Variants in LARGE1 observed in about 807,000 individuals in gnomAD.
The protein encoded by LARGE1 is LARGE xylosyl- and glucuronyltransferase 1.
Under a neutral mutation model 87.6 loss-of-function variants are expected in LARGE1, and 43 were observed. The observed-to-expected ratio is 0.49, with a 90% CI of 0.38 to 0.63. The LOEUF is 0.63. Among genes scored for constraint, LARGE1 ranks in the 30% least tolerant of loss-of-function variants. The pLI is 0.00. For synonymous variants in LARGE1, 434 were observed against 394.6 expected, an observed-to-expected ratio of 1.10 and a Z score of -1.18; for missense variants, 802 against 1,000.2, an observed-to-expected ratio of 0.80 and a Z score of 2.67.
chr22:33,257,350 TG>T (rs767458358), intron 11 of LARGE1, among the ~76,000 whole-genome samples: 40 of 151,958 alleles, frequency 2.6e-4, no homozygotes, highest in Admixed American at 7.2e-4. Flanking sequence ...CTAGGCAACA[TG>T]GTGAAATCCC....
chr22:33,329,263 G>A (rs1010049414), intron 10 of LARGE1, among the ~76,000 whole-genome samples: 6 of 152,152 alleles, frequency 3.9e-5, no homozygotes, highest in Non-Finnish European at 7.4e-5. Context: ...GGAGACACTG[G>A]CTGTTGACTT....
intron 7 of LARGE1, among the ~76,000 whole-genome samples, chr22:33,387,533 G>T (rs567759664): frequency 1.1e-4 from 16 of 148,200 alleles, no homozygotes; most frequent in African/African-American, 4.0e-4. Context: ...AATGGGGGGG[G>T]GGATGGTGGG....
chr22:33,385,214 T>C (rs2065281250), intron 7 of LARGE1, among the ~76,000 whole-genome samples: 1 of 148,594 alleles, frequency 6.7e-6, no homozygotes. Flanking sequence ...AAACTCCCCT[T>C]GTCTATATCC....
chr22:33,355,816 T>G (rs1199529427), intron 9 of LARGE1, among the ~76,000 whole-genome samples: 1 of 152,230 alleles, frequency 6.6e-6, no homozygotes, highest in East Asian at 1.9e-4. Flanking sequence ...AAAATTGTGT[T>G]CTTCTTAATA....
intron 2 of LARGE1, among the ~76,000 whole-genome samples, chr22:33,740,596 T>G (rs1456543444): frequency 6.6e-6 from 1 of 152,196 alleles, no homozygotes; most frequent in Admixed American, 6.5e-5. Flanking sequence ...ACTTGGTACT[T>G]AATAAATATG....
chr22:33,441,280 GC>G (rs2067466868), intron 6 of LARGE1, among the ~76,000 whole-genome samples: 1 of 151,780 alleles, frequency 6.6e-6, no homozygotes, highest in South Asian at 2.1e-4. Flanking sequence ...CATCATGTTG[GC>G]CAGGCTAGTC....
intron 6 of LARGE1, among the ~76,000 whole-genome samples, chr22:33,519,344 AT>A (rs2071462609): frequency 6.6e-6 from 1 of 151,958 alleles, no homozygotes; most frequent in African/African-American, 2.4e-5. Context: ...CCAAGGCATA[AT>A]TTCTGCCCCA....
intron 11 of LARGE1, among the ~76,000 whole-genome samples, chr22:33,200,508 GA>G (rs528275044): frequency 8.5e-4 from 129 of 152,188 alleles, no homozygotes; most frequent in African/African-American, 3.0e-3. Context: ...CCAAAAGATC[GA>G]AAACGTATGT....
At chr22:33,383,233 G>A (rs1286909360) in intron 8 of LARGE1, among the ~76,000 whole-genome samples, 1 of 152,132 alleles carries the variant, frequency 6.6e-6, no homozygotes, top group Non-Finnish European at 1.5e-5. Context: ...GCCTTTCCTA[G>A]GACGTCAAAA....
chr22:33,340,999 T>C (rs61531606), intron 9 of LARGE1, among the ~76,000 whole-genome samples: 14,301 of 149,534 alleles, frequency 0.096, 1,755 homozygotes, highest in African/African-American at 0.27. Context: ...CCCTACTACC[T>C]TTACTCTCTC....
rs187537598 is a variant in LARGE1, at chr22:33,373,746, A to G, written c.1131+8173T>C. The stretch of plus-strand genomic sequence containing the variant: ...TCCCAACACTTTGGGAGGCTGAGGC[A>G]GGCAGATCATGAAGTCAGGAGATCG... On this transcript the variant is annotated intron_variant, in intron 9 of 14. Transcript: ENST00000397394. Among the ~76,000 whole-genome samples the G allele has an allele frequency of 4.0e-3, 604 of 152,112 alleles. 3 individuals carry two copies. The highest frequency in any genetic ancestry group is 0.014 in the African/African-American group (569 of 41,508).
At chr22:33,551,921 G>A (rs1168745838) in intron 6 of LARGE1, among the ~76,000 whole-genome samples, 1 of 150,192 alleles carries the variant, frequency 6.7e-6, no homozygotes, top group Non-Finnish European at 1.5e-5. Context: ...GTGAACCCGG[G>A]AGGCGGAGCA....
chr22:33,876,650 T>C (rs1037493417), intron 1 of LARGE1, among the ~76,000 whole-genome samples: 10 of 129,294 alleles, frequency 7.7e-5, no homozygotes, highest in Non-Finnish European at 1.3e-4. Flanking sequence ...CCTGTCGGGG[T>C]GCGGGGGTGC....
chr22:33,256,742 G>T (rs2145732983), intron 11 of LARGE1, among the ~76,000 whole-genome samples: 1 of 152,308 alleles, frequency 6.6e-6, no homozygotes, highest in African/African-American at 2.4e-5. Flanking sequence ...GCCTCATGCG[G>T]TCTGTATCAA....
chr22:33,669,167 T>C (rs570131387), intron 2 of LARGE1, among the ~76,000 whole-genome samples: 26 of 152,264 alleles, frequency 1.7e-4, no homozygotes, highest in Non-Finnish European at 3.2e-4. Context: ...GAAGTAATTT[T>C]ATATCCCTCA....
Position 33,355,526 on chromosome 22 carries a change from C to T in LARGE1, c.1132-17725G>A, listed in dbSNP as rs999712421. Among the ~76,000 whole-genome samples, 3 of 152,300 alleles carry T rather than the reference C, an allele frequency of 2.0e-5. No individual in the cohort carries two copies. The East Asian group carries it at 5.8e-4, about 29-fold the overall frequency. ...TACCTGCCTGTCCCCTTCGTGATAACTGGAAAATTAAACCTTTGTCTCTTG... is the reference window on the plus strand; with the variant it reads ...TACCTGCCTGTCCCCTTCGTGATAATTGGAAAATTAAACCTTTGTCTCTTG... On this transcript the variant is annotated intron_variant, in intron 9 of 14. Transcript: ENST00000397394.
At chr22:33,126,965 T>C in the LARGE1 span, among the ~76,000 whole-genome samples, 1 of 152,018 alleles carries the variant, frequency 6.6e-6, no homozygotes, top group African/African-American at 2.4e-5. Context: ...TTGCTCTGTA[T>C]TCTGTTATTT....
At chr22:33,168,944 T>C (rs2146131286) in intron 11 of LARGE1, among the ~76,000 whole-genome samples, 1 of 152,274 alleles carries the variant, frequency 6.6e-6, no homozygotes, top group South Asian at 2.1e-4. Flanking sequence ...CAACAGTAAA[T>C]AATCCCTGGG....
chr22:33,599,658 T>G (rs2079065625), intron 5 of LARGE1, among the ~76,000 whole-genome samples: 1 of 152,188 alleles, frequency 6.6e-6, no homozygotes, highest in Non-Finnish European at 1.5e-5. Context: ...ACAAATGTCC[T>G]GTTTCCTATT....
Sources: gnomAD v4.1 joint callset for allele counts (sites outside exome capture counted in the v4.1 genomes callset) on GRCh38, gnomAD v4.1.1 for gene constraint, MANE v1.5 for transcripts, NCBI Gene and HGNC (gene_info 2026-07-23, HGNC 2026-07-21) for gene names.